The following PLA1A variants were observed in gnomAD, a reference collection of about 807,000 sequenced individuals.
The protein encoded by PLA1A is phospholipase A1 member A, also known as phosphatidylserine-specific phospholipase A1alpha.
Under a neutral mutation model 49.4 loss-of-function variants are expected in PLA1A, and 47 were observed. The observed-to-expected ratio is 0.95, with a 90% CI of 0.75 to 1.21. The LOEUF is 1.21. PLA1A is among the 50% of genes most tolerant of loss of function. The pLI, the probability that PLA1A is intolerant of heterozygous loss-of-function variation, is 0.00. For synonymous variants in PLA1A, 224 were observed against 207.9 expected (o/e 1.08, Z -0.67); for missense variants, 561 against 563.9 (o/e 0.99, Z 0.05).
Position 119,609,545 on chromosome 3 carries a change from G to T in PLA1A, c.531G>T (p.Gln177His). The stretch of plus-strand genomic sequence containing the variant: ...CCCACGTTGGGGGCATGGTGGGACA[G>T]CTCTTCGGAGGCCAGCTGGGACAGA... ...LGAHVGGMVG[Q>H]LFGGQLGQIT... Residue 177 changes from glutamine (Q) to histidine (H), a missense_variant, in exon 4 of 11, where the codon CAG (glutamine) becomes CAT (histidine). Transcript: ENST00000273371. 6.2e-7 allele frequency: 1 copy of T among 1,608,186 alleles called. No homozygotes were observed. The highest frequency in any genetic ancestry group is 1.1e-5 in the South Asian group (1 of 90,930).
chr3:119,608,298 A>AAGAAAGAT (rs1560078969), intron 2 of PLA1A, among the ~76,000 whole-genome samples: 1 of 148,682 alleles, frequency 6.7e-6, no homozygotes, highest in Non-Finnish European at 1.5e-5. Context: ...GAAAGAAAGA[A>AAGAAAGAT]AAAGAAAATG....
At chr3:119,607,161 G>A in intron 2 of PLA1A, 186 bp downstream of exon 2, 2 of 600,568 alleles carry the variant, frequency 3.3e-6, no homozygotes, top group Non-Finnish European at 6.0e-6. Flanking sequence ...CATTCTTATT[G>A]GTCATATATG....
At chr3:119,608,372 A>G (rs955905571) in intron 2 of PLA1A, among the ~76,000 whole-genome samples, 1 of 152,242 alleles carries the variant, frequency 6.6e-6, no homozygotes, top group African/African-American at 2.4e-5. Flanking sequence ...ACTCTAGGGC[A>G]TAACTCTAGG....
At chr3:119,613,765 C>T (rs1224760084) in intron 5 of PLA1A, among the ~76,000 whole-genome samples, 4 of 152,042 alleles carry the variant, frequency 2.6e-5, no homozygotes, top group African/African-American at 7.2e-5. Context: ...TGGTGGCGGG[C>T]GCCTGTAGTC....
Position 119,608,292 on chromosome 3 carries a change from GAA to G in PLA1A, c.276-476_276-475del, listed in dbSNP as rs1560078937. On this transcript the variant is annotated intron_variant, in intron 2 of 10. Coordinates refer to ENST00000273371, the MANE Select transcript of PLA1A (RefSeq NM_015900.4). ...AGAAAGAAAGAAAGAAAGAAAGAAAGAAAGAAAAAGAAAATGTCCACAAAGAA... is the reference window on the plus strand; with the variant it reads ...AGAAAGAAAGAAAGAAAGAAAGAAAGAGAAAAAGAAAATGTCCACAAAGAA... 7.1e-5 allele frequency among the ~76,000 whole-genome samples: 10 copies of G among 140,520 alleles called. No homozygotes were observed. The East Asian group carries it at 1.8e-3, about 26-fold the overall frequency. 92.2% of individuals were successfully genotyped at this position (140,520 alleles called of 152,430 possible). A position where few individuals can be genotyped will look rare whatever the true frequency, so the allele number is the denominator to read the frequency against.
chr3:119,609,423 C>T, intron 3 of PLA1A, 45 bp from the exon 4 acceptor site: 1 of 1,222,124 alleles, frequency 8.2e-7, no homozygotes, highest in Admixed American at 1.7e-5. Flanking sequence ...GTGAAGCCAG[C>T]AGACTCTGTG....
chr3:119,601,779 T>C (rs1424541179), intron 1 of PLA1A, among the ~76,000 whole-genome samples: 1 of 152,242 alleles, frequency 6.6e-6, no homozygotes, highest in Non-Finnish European at 1.5e-5. Flanking sequence ...TTCCCTGTTC[T>C]AAATGGAATA....
At chr3:119,627,724 A>G (rs1336583659) in intron 9 of PLA1A, among the ~76,000 whole-genome samples, 2 of 152,014 alleles carry the variant, frequency 1.3e-5, no homozygotes, top group African/African-American at 4.8e-5. Context: ...GGGCCCCACA[A>G]GTCAAATTCC....
At chr3:119,620,219 C>G in intron 8 of PLA1A, 1 of 444,656 alleles carries the variant, frequency 2.2e-6, no homozygotes, top group Non-Finnish European at 4.5e-6. Context: ...TCATCCTTCC[C>G]TATGCTATGT....
At chr3:119,607,131 C>T (rs2082700034) in intron 2 of PLA1A, 156 bp downstream of exon 2, 4 of 642,370 alleles carry the variant, frequency 6.2e-6, no homozygotes, top group Non-Finnish European at 1.1e-5. Context: ...GGTCTCATGT[C>T]AACATGCACA....
chr3:119,625,191 C>A lies in PLA1A; in HGVS notation c.1080C>A (p.Thr360=). The part of the protein sequence containing the change: ...LRNKDTNIEV[T]FLSSNITSSS... Reference sequence around the variant, plus strand: ...ACAAGGACACCAACATCGAGGTTACCTTCCTTAGCAGTAACATCACCTCTT... The same window carrying A: ...ACAAGGACACCAACATCGAGGTTACATTCCTTAGCAGTAACATCACCTCTT... The change falls in exon 9 of 11, where the codon ACC becomes ACA. Residue 360 remains threonine (T), a synonymous_variant. Transcript: ENST00000273371. The A allele has an allele frequency of 6.2e-7, 1 of 1,613,482 alleles. No homozygotes were observed. The highest frequency in any genetic ancestry group is 8.5e-7 in the Non-Finnish European group (1 of 1,179,432).
chr3:119,598,322 C>A (rs547293768), intron 1 of PLA1A, among the ~76,000 whole-genome samples: 1 of 152,208 alleles, frequency 6.6e-6, no homozygotes, highest in African/African-American at 2.4e-5. Flanking sequence ...AAATATCCAC[C>A]ATTCCAAGAT....
At chr3:119,602,374 G>A (rs1412651771) in intron 1 of PLA1A, among the ~76,000 whole-genome samples, 1 of 151,990 alleles carries the variant, frequency 6.6e-6, no homozygotes, top group Non-Finnish European at 1.5e-5. Flanking sequence ...CTAAGTTTTG[G>A]TAAGTTACGT....
intron 9 of PLA1A, among the ~76,000 whole-genome samples, chr3:119,626,407 G>A (rs2052537727): frequency 6.6e-6 from 1 of 152,212 alleles, no homozygotes; most frequent in Non-Finnish European, 1.5e-5. Flanking sequence ...AGAAGACAGA[G>A]TCTGACTGAG....
At chr3:119,614,595 G>C (rs2082818537) in intron 5 of PLA1A, among the ~76,000 whole-genome samples, 1 of 116,044 alleles carries the variant, frequency 8.6e-6, no homozygotes, top group African/African-American at 3.5e-5. Context: ...GACAGAGTGA[G>C]ACTTCGTCTC....
intron 10 of PLA1A, 46 bp from the exon 11 acceptor site, chr3:119,629,338 C>T (rs2052591533): frequency 9.2e-7 from 1 of 1,084,240 alleles, no homozygotes; most frequent in Non-Finnish European, 1.4e-6. Context: ...ATGCCAAGCC[C>T]TGTCTCCTCA....
chr3:119,619,635 C>A lies in PLA1A; in HGVS notation c.995C>A (p.Ser332Tyr). ...KEVKVYLLTT[S>Y]SAPYCMHHSL... ...GTGAAAGTCTACCTCCTGACTACTT[C>A]CAGTGCTCCGTACTGCAGTGAGTAG... is the stretch of plus-strand genomic sequence containing the variant. The change falls in exon 8 of 11, where the codon TCC (serine) becomes TAC (tyrosine). Residue 332 changes from serine to tyrosine, a missense_variant. Physicochemically the swap from Ser to Tyr is moderately radical, Grantham distance 144. Transcript: ENST00000273371. 1 of 1,611,096 alleles carries A rather than the reference C, an allele frequency of 6.2e-7. No individual in the cohort carries two copies. Among genetic ancestry groups the A allele is most frequent in the Non-Finnish European group, 8.5e-7 (1 of 1,177,208 alleles).
chr3:119,622,147 G>GA (rs1560086843), intron 8 of PLA1A, among the ~76,000 whole-genome samples: 26 of 136,226 alleles, frequency 1.9e-4, no homozygotes, highest in African/African-American at 3.2e-4. Flanking sequence ...GGAGGAGGAG[G>GA]AGGAAGAAGA....
intron 2 of PLA1A, 45 bp from the exon 3 acceptor site, chr3:119,608,725 C>A: frequency 7.0e-7 from 1 of 1,431,408 alleles, no homozygotes; most frequent in Non-Finnish European, 9.8e-7. Context: ...AATGAATATC[C>A]ACTTGGCAGG....
Sources: gnomAD v4.1 joint callset for allele counts (sites outside exome capture counted in the v4.1 genomes callset) on GRCh38, gnomAD v4.1.1 for gene constraint, MANE v1.5 for transcripts, NCBI Gene and HGNC (gene_info 2026-07-23, HGNC 2026-07-21) for gene names.